ADAMTSL1: variants seen among roughly 807,000 people sequenced by gnomAD.
ADAMTSL1 encodes the protein ADAMTS-like protein 1.
Under a neutral mutation model 201.8 loss-of-function variants are expected in ADAMTSL1, and 126 were observed. The ratio of observed to expected loss-of-function variants is 0.62; its 90% CI spans 0.54 to 0.72. The LOEUF (loss-of-function observed/expected upper bound fraction) is 0.72. ADAMTSL1 is among the 30% of genes least tolerant of loss of function. The pLI is 0.00. For missense variants in ADAMTSL1, 2,679 were observed against 2,277.8 expected (o/e 1.18, Z -3.59); for synonymous variants, 1,121 against 903.4 (o/e 1.24, Z -4.32).
chr9:18,641,753 C>G (rs1299683166), intron 7 of ADAMTSL1, among the ~76,000 whole-genome samples: 1 of 151,818 alleles, frequency 6.6e-6, no homozygotes, highest in Admixed American at 6.6e-5. Flanking sequence ...ACTTTCTCTT[C>G]CCTAATTTTC....
chr9:18,242,517 G>T (rs957169792), intron 2 of ADAMTSL1, among the ~76,000 whole-genome samples: 5 of 152,028 alleles, frequency 3.3e-5, no homozygotes, highest in Non-Finnish European at 1.5e-5. Flanking sequence ...CAAGAACCAT[G>T]TGACAAGGAA....
At chr9:18,696,642 C>T (rs774272244) in intron 13 of ADAMTSL1, among the ~76,000 whole-genome samples, 1 of 151,970 alleles carries the variant, frequency 6.6e-6, no homozygotes, top group Non-Finnish European at 1.5e-5. Flanking sequence ...TGCGTGGCAG[C>T]CCATGGCAGG....
intron 1 of ADAMTSL1, among the ~76,000 whole-genome samples, chr9:18,079,341 G>A (rs1009187204): frequency 2.0e-5 from 3 of 152,116 alleles, no homozygotes; most frequent in Non-Finnish European, 2.9e-5. Context: ...ACCTCAAGTC[G>A]AAAGTTTCCA....
intron 26 of ADAMTSL1, among the ~76,000 whole-genome samples, chr9:18,904,633 C>CAAAAAAAAAAAA (rs71333072): frequency 1.3e-4 from 2 of 15,006 alleles, no homozygotes; most frequent in African/African-American, 2.2e-4. Context: ...GACCCTGCCT[C>CAAAAAAAAAAAA]AAAAAAAAAA....
At chr9:18,277,129 T>C (rs1832616244) in intron 2 of ADAMTSL1, among the ~76,000 whole-genome samples, 2 of 152,258 alleles carry the variant, frequency 1.3e-5, no homozygotes. Context: ...ATTTTCATCT[T>C]CTTACATTTG....
chr9:18,518,492 A>G (rs368652566), intron 2 of ADAMTSL1, among the ~76,000 whole-genome samples: 2 of 152,172 alleles, frequency 1.3e-5, no homozygotes, highest in African/African-American at 2.4e-5. Context: ...CATTCTTTTT[A>G]TGGCTAAGTA....
intron 2 of ADAMTSL1, among the ~76,000 whole-genome samples, chr9:18,515,001 G>A (rs1818278987): frequency 6.6e-6 from 1 of 152,110 alleles, no homozygotes; most frequent in Non-Finnish European, 1.5e-5. Flanking sequence ...TTTGCCAAAT[G>A]ATTTTTCTGC....
chr9:18,316,624 T>C (rs975423380), intron 2 of ADAMTSL1, among the ~76,000 whole-genome samples: 1 of 152,180 alleles, frequency 6.6e-6, no homozygotes, highest in Non-Finnish European at 1.5e-5. Flanking sequence ...TGTTATCCTG[T>C]TCTTTTTTTC....
At chr9:18,541,510 C>CA (rs199614835) in intron 3 of ADAMTSL1, among the ~76,000 whole-genome samples, 1,962 of 127,068 alleles carry the variant, frequency 0.015, 23 homozygotes, top group Non-Finnish European at 0.023. Context: ...AACTCCATCT[C>CA]AAAGAAAAAA....
At chr9:18,540,561 T>TG (rs1820069379) in intron 3 of ADAMTSL1, among the ~76,000 whole-genome samples, 1 of 152,114 alleles carries the variant, frequency 6.6e-6, no homozygotes, top group Non-Finnish European at 1.5e-5. Context: ...AGGTATATTG[T>TG]GGGGAAAGAA....
At chr9:18,148,494 G>A (rs1388287378) in intron 1 of ADAMTSL1, among the ~76,000 whole-genome samples, 1 of 151,998 alleles carries the variant, frequency 6.6e-6, no homozygotes, top group African/African-American at 2.4e-5. Context: ...TCTATGAAGA[G>A]TGAGTAAAAT....
At chr9:18,302,531 G>T (rs1833746102) in intron 2 of ADAMTSL1, among the ~76,000 whole-genome samples, 1 of 152,146 alleles carries the variant, frequency 6.6e-6, no homozygotes, top group Non-Finnish European at 1.5e-5. Context: ...AAATTGTAAA[G>T]TATTTGAAGG....
At chr9:18,332,839 A>T (rs1187789749) in intron 2 of ADAMTSL1, among the ~76,000 whole-genome samples, 1 of 152,118 alleles carries the variant, frequency 6.6e-6, no homozygotes, top group East Asian at 1.9e-4. Flanking sequence ...GAGTGAAAAG[A>T]GCATAAGGTT....
chr9:18,777,314 C>T lies in ADAMTSL1; in HGVS notation c.3085C>T (p.Leu1029=), dbSNP rs749582581. The change falls in exon 19 of 29, where the codon CTG becomes TTG. Residue 1029 remains leucine (L), a synonymous_variant. Coordinates refer to ENST00000380548, the MANE Select transcript of ADAMTSL1 (RefSeq NM_001040272.6). Reference sequence around the variant, plus strand: ...CTACGACGACCTCGTCTCCCGGCTGCTGGAGCAGGGCGGCTGGCCCGGAGA... The same window carrying T: ...CTACGACGACCTCGTCTCCCGGCTGTTGGAGCAGGGCGGCTGGCCCGGAGA... The part of the protein sequence containing the change: ...SRYDDLVSRL[L]EQGGWPGELL... 23 of 1,602,794 alleles carry T rather than the reference C, an allele frequency of 1.4e-5. No individual in the cohort carries two copies. In the South Asian group the frequency reaches 2.5e-4, roughly 17 times the overall value.
At chr9:18,838,268 G>A (rs1159743801) in intron 23 of ADAMTSL1, among the ~76,000 whole-genome samples, 3 of 151,842 alleles carry the variant, frequency 2.0e-5, no homozygotes, top group African/African-American at 7.3e-5. Flanking sequence ...CCATGATTCA[G>A]TCACCTCCCA....
chr9:18,075,525 AAG>A (rs1823181432), intron 1 of ADAMTSL1, among the ~76,000 whole-genome samples: 1 of 152,238 alleles, frequency 6.6e-6, no homozygotes, highest in Non-Finnish European at 1.5e-5. Context: ...TTCAATATAA[AAG>A]TTTTATAAAA....
chr9:18,682,102 A>T (rs1830537740), intron 12 of ADAMTSL1, 143 bp downstream of exon 12: 3 of 1,004,730 alleles, frequency 3.0e-6, no homozygotes, highest in Admixed American at 5.9e-5. Flanking sequence ...AAGGAATTTG[A>T]TTATCTTAAA....
chr9:18,302,917 A>T (rs556757130), intron 2 of ADAMTSL1, among the ~76,000 whole-genome samples: 1 of 152,304 alleles, frequency 6.6e-6, no homozygotes, highest in South Asian at 2.1e-4. Flanking sequence ...AAAGAGAAAG[A>T]TGTAAGCTAA....
intron 23 of ADAMTSL1, among the ~76,000 whole-genome samples, chr9:18,879,996 C>T (rs1588295202): frequency 2.0e-5 from 3 of 152,306 alleles, no homozygotes; most frequent in African/African-American, 4.8e-5. Flanking sequence ...GAGTAGATTC[C>T]ATCTCAAGAA....
Sources: allele counts gnomAD v4.1 joint callset (sites outside exome capture counted in the v4.1 genomes callset), GRCh38; gene constraint gnomAD v4.1.1; transcripts MANE v1.5; gene names NCBI Gene and HGNC (gene_info 2026-07-23, HGNC 2026-07-21).